Variants in LY96 observed in about 807,000 individuals in gnomAD.
LY96 encodes the protein myeloid differentiation protein-2.
A neutral mutation model predicts 18.9 loss-of-function variants in LY96; 18 were observed. The observed-to-expected ratio is 0.95, with a 90% CI of 0.66 to 1.41. LY96 has a LOEUF of 1.41. LY96 is among the 40% of genes most tolerant of loss of function. The probability of loss-of-function intolerance (pLI) is 0.00; values close to 1 mark genes in which losing one functional copy is unlikely to be tolerated. For missense variants in LY96, 175 were observed against 182.4 expected, an observed-to-expected ratio of 0.96 and a Z score of 0.23; for synonymous variants, 66 against 62.6, an observed-to-expected ratio of 1.06 and a Z score of -0.26.
At chr8:74,055,013 TC>T in the LY96 span, among the ~76,000 whole-genome samples, 1 of 152,024 alleles carries the variant, frequency 6.6e-6, no homozygotes, top group African/African-American at 2.4e-5. Context: ...GCTCAGGTGA[TC>T]CTCCCACCTC....
intron 3 of LY96, among the ~76,000 whole-genome samples, chr8:74,026,388 C>T (rs188224582): frequency 3.3e-5 from 5 of 152,344 alleles, no homozygotes; most frequent in South Asian, 2.1e-4. Context: ...ATTCTGGCTG[C>T]CTCCAAAATA....
the LY96 span, among the ~76,000 whole-genome samples, chr8:74,059,224 C>G: frequency 6.6e-6 from 1 of 152,100 alleles, no homozygotes; most frequent in African/African-American, 2.4e-5. Flanking sequence ...TCACAAAGGA[C>G]ACGAAAGAAC....
intron 3 of LY96, among the ~76,000 whole-genome samples, chr8:74,025,680 C>G (rs1447041596): frequency 2.9e-5 from 4 of 139,906 alleles, no homozygotes; most frequent in Non-Finnish European, 6.1e-5. Context: ...AAAAAAGATA[C>G]ACCCTTTATC....
the LY96 span, among the ~76,000 whole-genome samples, chr8:74,067,167 G>A: frequency 3.3e-5 from 5 of 152,308 alleles, no homozygotes; most frequent in African/African-American, 1.2e-4. Flanking sequence ...TCATAGGTAT[G>A]TGTGCATGAC....
the LY96 span, among the ~76,000 whole-genome samples, chr8:74,091,547 ATTCT>A: frequency 6.6e-6 from 1 of 152,130 alleles, no homozygotes; most frequent in Non-Finnish European, 1.5e-5. Flanking sequence ...ATGAAATTGT[ATTCT>A]TTCATGGTGT....
At chr8:74,046,105 C>T in the LY96 span, among the ~76,000 whole-genome samples, 1 of 152,108 alleles carries the variant, frequency 6.6e-6, no homozygotes, top group South Asian at 2.1e-4. Flanking sequence ...ACAGTGAAAC[C>T]CCATCTCTAC....
chr8:74,053,159 T>G, the LY96 span, among the ~76,000 whole-genome samples: 1 of 152,214 alleles, frequency 6.6e-6, no homozygotes, highest in Non-Finnish European at 1.5e-5. Context: ...AAGGTGGGCA[T>G]GAGCCCTGAC....
At chr8:74,044,687 A>T in the LY96 span, among the ~76,000 whole-genome samples, 1 of 152,170 alleles carries the variant, frequency 6.6e-6, no homozygotes, top group East Asian at 1.9e-4. Context: ...TTACCTTTTC[A>T]TTCTTTTCTC....
At chr8:74,006,729 G>A (rs973760529) in intron 2 of LY96, among the ~76,000 whole-genome samples, 1 of 152,062 alleles carries the variant, frequency 6.6e-6, no homozygotes, top group Non-Finnish European at 1.5e-5. Context: ...CTGTTTTCTG[G>A]TCTGTTGGCA....
At chr8:74,088,153 A>AAGAAT in the LY96 span, among the ~76,000 whole-genome samples, 2 of 70,166 alleles carry the variant, frequency 2.9e-5, no homozygotes, top group South Asian at 7.5e-4. Flanking sequence ...TAGAATAGAA[A>AAGAAT]AGAATAGAAA....
chr8:74,014,812 T>TACACACACACAC (rs111566455), intron 3 of LY96, among the ~76,000 whole-genome samples: 157 of 144,766 alleles, frequency 1.1e-3, no homozygotes, highest in African/African-American at 3.8e-3. Context: ...CTCACCAGTT[T>TACACACACACAC]ACACACACAC....
chr8:74,024,800 T>C (rs1176684847), intron 3 of LY96, among the ~76,000 whole-genome samples: 2 of 152,130 alleles, frequency 1.3e-5, no homozygotes, highest in Admixed American at 6.6e-5. Context: ...GGGTCTTTTT[T>C]TGGTTTTTAA....
At chr8:74,097,001 C>T in the LY96 span, among the ~76,000 whole-genome samples, 16 of 152,240 alleles carry the variant, frequency 1.1e-4, no homozygotes, top group African/African-American at 3.1e-4. Flanking sequence ...ACTTGAGTGA[C>T]GGAGGTGGGT....
intron 1 of LY96, among the ~76,000 whole-genome samples, chr8:74,003,035 T>C (rs1472964680): frequency 6.6e-6 from 1 of 152,254 alleles, no homozygotes; most frequent in Non-Finnish European, 1.5e-5. Context: ...TTCCTTAGTG[T>C]AAGTGAGGAA....
At chr8:73,995,472 CT>C (rs1816107220) in intron 1 of LY96, among the ~76,000 whole-genome samples, 1 of 152,250 alleles carries the variant, frequency 6.6e-6, no homozygotes, top group East Asian at 1.9e-4. Context: ...CTCATTTTAA[CT>C]TAATTACCTC....
At chr8:74,006,343 A>G (rs11988003) in intron 2 of LY96, among the ~76,000 whole-genome samples, 148,192 of 152,180 alleles carry the variant, frequency 0.97, 72,176 homozygotes, top group East Asian at 1. Flanking sequence ...GATTATAGGC[A>G]CCCACCACCA....
Position 73,996,317 on chromosome 8 carries a change from TTTCCTTCCTTCCTTCCTTCC to T in LY96, c.112+4795_112+4814del, listed in dbSNP as rs58734426. Among the ~76,000 whole-genome samples, 226 of 116,382 alleles carry T rather than the reference TTTCCTTCCTTCCTTCCTTCC, an allele frequency of 1.9e-3. 2 individuals carry two copies. Among genetic ancestry groups the T allele is most frequent in the African/African-American group, 6.1e-3 (188 of 30,850 alleles). The allele number at this position is 116,382 out of a possible 152,430, so 76.4% of individuals were successfully genotyped here. ...CACGCTAGGCCTAAAACCTGTTTCT[TTTCCTTCCTTCCTTCCTTCC>T]TTCCTTCCTTCCTTCCTTCCTTCCT... On this transcript the variant is annotated intron_variant, in intron 1 of 4. Transcript: ENST00000284818.
intron 3 of LY96, among the ~76,000 whole-genome samples, chr8:74,016,315 G>A (rs757939895): frequency 6.6e-6 from 1 of 152,240 alleles, no homozygotes; most frequent in Non-Finnish European, 1.5e-5. Context: ...CGGGAGGGGC[G>A]TCCGCCATTG....
chr8:74,003,102 C>G (rs1244288401), intron 1 of LY96, among the ~76,000 whole-genome samples: 1 of 151,952 alleles, frequency 6.6e-6, no homozygotes, highest in Non-Finnish European at 1.5e-5. Flanking sequence ...TTTTCCTTGT[C>G]TCTCTGTTTG....
Sources: gnomAD v4.1 joint callset for allele counts (sites outside exome capture counted in the v4.1 genomes callset) on GRCh38, gnomAD v4.1.1 for gene constraint, MANE v1.5 for transcripts, NCBI Gene and HGNC (gene_info 2026-07-23, HGNC 2026-07-21) for gene names.